Variants in NEK11 observed in about 807,000 individuals in gnomAD.
NEK11 encodes the protein serine/threonine-protein kinase Nek11.
In NEK11, 72 loss-of-function variants were observed where a neutral mutation model predicts 80.7. The ratio of observed to expected loss-of-function variants is 0.89; its 90% confidence interval spans 0.74 to 1.08. The LOEUF (loss-of-function observed/expected upper bound fraction) is 1.08, where lower values mean the gene tolerates loss of function less well. Ranked by LOEUF, NEK11 falls within the 50% of genes least tolerant of loss-of-function variation. The pLI is 0.00. For missense variants in NEK11, 764 were observed against 763.6 expected (o/e 1.00, Z -0.01); for synonymous variants, 251 against 260.7 (o/e 0.96, Z 0.36).
At chr3:131,302,071 CT>C (rs771376579) in intron 17 of NEK11, among the ~76,000 whole-genome samples, 3 of 151,974 alleles carry the variant, frequency 2.0e-5, no homozygotes, top group Non-Finnish European at 4.4e-5. Flanking sequence ...CATTTTCTTC[CT>C]GGTTCAATGT....
chr3:131,091,888 G>T (rs747672920), intron 4 of NEK11, among the ~76,000 whole-genome samples: 2 of 152,214 alleles, frequency 1.3e-5, no homozygotes, highest in Non-Finnish European at 2.9e-5. Context: ...AGCTTTTATA[G>T]GATGGACACA....
At chr3:131,199,171 C>T (rs2094139097) in intron 14 of NEK11, among the ~76,000 whole-genome samples, 1 of 151,942 alleles carries the variant, frequency 6.6e-6, no homozygotes, top group African/African-American at 2.4e-5. Context: ...TGAGAAATAA[C>T]AAATTAAGAA....
Position 131,066,064 on chromosome 3 carries a change from C to G in NEK11, c.171-14359C>G, listed in dbSNP as rs146321813. Among the ~76,000 whole-genome samples the G allele has an allele frequency of 2.8e-3, 427 of 152,292 alleles. 6 individuals are homozygous for G. In the East Asian group the frequency reaches 0.042, roughly 15 times the overall value. ...TATGAAAAGGATATCACAGACTCAT[C>G]TCTTTGACATGTTAACATGGTTTTA... is the stretch of plus-strand genomic sequence containing the variant. On this transcript the variant is annotated intron_variant, in intron 3 of 17. Transcript: ENST00000383366.
chr3:131,053,948 G>A (rs1264068416), intron 3 of NEK11: 1 of 152,242 alleles, frequency 6.6e-6, no homozygotes, highest in East Asian at 1.9e-4. Context: ...TATTAGACTT[G>A]GGGTGGCCCA....
intron 16 of NEK11, among the ~76,000 whole-genome samples, chr3:131,260,188 G>T (rs2095889757): frequency 6.6e-6 from 1 of 151,932 alleles, no homozygotes; most frequent in Non-Finnish European, 1.5e-5. Context: ...TCTGTCTGAT[G>T]ATCTTATTTT....
At chr3:131,116,658 A>C (rs554104705) in intron 5 of NEK11, among the ~76,000 whole-genome samples, 1 of 151,932 alleles carries the variant, frequency 6.6e-6, no homozygotes, top group Non-Finnish European at 1.5e-5. Flanking sequence ...ACTTTTTAAT[A>C]ATTGCCATTC....
At chr3:131,076,379 G>T (rs914503960) in intron 3 of NEK11, among the ~76,000 whole-genome samples, 8 of 152,066 alleles carry the variant, frequency 5.3e-5, no homozygotes, top group Admixed American at 4.6e-4. Flanking sequence ...GTTGGATTGT[G>T]GGTAATATTT....
intron 3 of NEK11, among the ~76,000 whole-genome samples, chr3:131,057,466 G>T (rs1322906368): frequency 6.6e-6 from 1 of 150,776 alleles, no homozygotes. Context: ...TCGCCACACT[G>T]ACTTCCACAA....
chr3:131,238,946 C>CA (rs201419493), intron 15 of NEK11, among the ~76,000 whole-genome samples: 7 of 151,770 alleles, frequency 4.6e-5, no homozygotes, highest in African/African-American at 1.4e-4. Context: ...ATAATTACAT[C>CA]AAAAAAAGAA....
chr3:131,192,710 C>T (rs527477742), intron 14 of NEK11, among the ~76,000 whole-genome samples: 1 of 152,116 alleles, frequency 6.6e-6, no homozygotes, highest in Non-Finnish European at 1.5e-5. Context: ...CATAATTCTG[C>T]TTTAATGAGC....
At chr3:131,164,677 G>A (rs527390267) in intron 11 of NEK11, among the ~76,000 whole-genome samples, 30 of 152,284 alleles carry the variant, frequency 2.0e-4, no homozygotes, top group African/African-American at 6.5e-4. Context: ...TTATTTGAAA[G>A]TAATGGTTTT....
At chr3:131,245,227 A>G (rs530500562) in intron 16 of NEK11, among the ~76,000 whole-genome samples, 7 of 151,914 alleles carry the variant, frequency 4.6e-5, no homozygotes, top group African/African-American at 1.7e-4. Context: ...ACTTAAGATA[A>G]TGGCCTCCAG....
intron 17 of NEK11, among the ~76,000 whole-genome samples, chr3:131,276,539 T>C (rs1197347391): frequency 6.6e-6 from 1 of 152,224 alleles, no homozygotes; most frequent in South Asian, 2.1e-4. Context: ...TTTACCAGTA[T>C]AGACTTCATC....
intron 14 of NEK11, among the ~76,000 whole-genome samples, chr3:131,193,813 T>A (rs967823053): frequency 6.6e-6 from 1 of 152,180 alleles, no homozygotes; most frequent in Non-Finnish European, 1.5e-5. Context: ...ACTTAAATAT[T>A]TCTCCCAAGA....
intron 14 of NEK11, among the ~76,000 whole-genome samples, chr3:131,203,065 G>A (rs1441159152): frequency 1.3e-5 from 2 of 152,084 alleles, no homozygotes; most frequent in Non-Finnish European, 2.9e-5. Context: ...TTGACCCCGT[G>A]ATCCCATTAT....
intron 16 of NEK11, among the ~76,000 whole-genome samples, chr3:131,245,606 G>C (rs1489334948): frequency 2.6e-5 from 4 of 151,944 alleles, no homozygotes; most frequent in Admixed American, 1.3e-4. Flanking sequence ...ATCAACATCT[G>C]TTATTTTTTG....
intron 17 of NEK11, among the ~76,000 whole-genome samples, chr3:131,345,325 A>G (rs542904649): frequency 1.4e-3 from 211 of 152,320 alleles, no homozygotes; most frequent in Middle Eastern, 6.8e-3. Context: ...AAATTTATAA[A>G]AACTCTTACA....
intron 4 of NEK11, among the ~76,000 whole-genome samples, chr3:131,085,241 A>G (rs1455803382): frequency 6.6e-6 from 1 of 152,244 alleles, no homozygotes; most frequent in Non-Finnish European, 1.5e-5. Flanking sequence ...TTTAGCTCTC[A>G]TTGTGTATGA....
chr3:131,286,255 T>C (rs1027292018), intron 17 of NEK11, among the ~76,000 whole-genome samples: 12 of 152,222 alleles, frequency 7.9e-5, no homozygotes, highest in Non-Finnish European at 1.2e-4. Flanking sequence ...ATGGCCAGGG[T>C]TGGGGTGTAG....
Sources: allele counts gnomAD v4.1 joint callset (sites outside exome capture counted in the v4.1 genomes callset), GRCh38; gene constraint gnomAD v4.1.1; transcripts MANE v1.5; gene names NCBI Gene and HGNC (gene_info 2026-07-23, HGNC 2026-07-21).